The following SH3RF1 variants were observed in gnomAD, a reference collection of about 807,000 sequenced individuals.
The protein encoded by SH3RF1 is E3 ubiquitin-protein ligase SH3RF1.
In SH3RF1, 32 loss-of-function variants were observed where a neutral mutation model predicts 74.0. That is an observed-to-expected ratio of 0.43 (90% confidence interval 0.33 to 0.58). The LOEUF is 0.58. SH3RF1 is among the 20% of genes least tolerant of loss of function. The probability of loss-of-function intolerance (pLI) is 0.05; values close to 1 mark genes in which losing one functional copy is unlikely to be tolerated. For missense variants in SH3RF1, 954 were observed against 1,130.9 expected (o/e 0.84, Z 2.24); for synonymous variants, 396 against 439.6 (o/e 0.90, Z 1.24).
intron 2 of SH3RF1, among the ~76,000 whole-genome samples, chr4:169,208,469 G>T (rs1231775546): frequency 6.6e-6 from 1 of 152,052 alleles, no homozygotes; most frequent in African/African-American, 2.4e-5. Context: ...CTTTTTAGTA[G>T]GACAGACACA....
At chr4:169,260,414 C>T (rs1171908245) in intron 2 of SH3RF1, among the ~76,000 whole-genome samples, 1 of 152,202 alleles carries the variant, frequency 6.6e-6, no homozygotes, top group African/African-American at 2.4e-5. Flanking sequence ...AAAGAACAGA[C>T]CACAGTTGCA....
At chr4:169,110,355 AAAT>A (rs1458490624) in intron 10 of SH3RF1, among the ~76,000 whole-genome samples, 2 of 152,314 alleles carry the variant, frequency 1.3e-5, no homozygotes, top group East Asian at 3.9e-4. Context: ...TCGTTTAAAA[AAAT>A]AATAATAAAA....
chr4:169,136,424 C>A lies in SH3RF1; in HGVS notation c.962G>T (p.Arg321Leu). Reference sequence around the variant, plus strand: ...AGGGGGGCTGATCTCCATGGAGTGGCGGTTCTGGGATGCCTGGGAGGACTT... The same window carrying A: ...AGGGGGGCTGATCTCCATGGAGTGGAGGTTCTGGGATGCCTGGGAGGACTT... Reference protein sequence around the residue: ...ANKSSQASQNRHSMEISPPVL... With the variant: ...ANKSSQASQNLHSMEISPPVL... Residue 321 changes from arginine to leucine, a missense_variant, in exon 5 of 12, where the codon CGC becomes CTC. Coordinates refer to ENST00000284637, the MANE Select transcript of SH3RF1 (RefSeq NM_020870.4). 6.2e-7 allele frequency: 1 copy of A among 1,605,436 alleles called. No homozygotes were observed. The highest frequency in any genetic ancestry group is 8.5e-7 in the Non-Finnish European group (1 of 1,175,108).
intron 4 of SH3RF1, among the ~76,000 whole-genome samples, chr4:169,145,692 CCTGCCT>C (rs1733864504): frequency 7.2e-6 from 1 of 139,628 alleles, no homozygotes; most frequent in African/African-American, 2.6e-5. Flanking sequence ...TCGTGATCCA[CCTGCCT>C]CAGCCTCCCA....
chr4:169,114,638 C>T (rs576647729), intron 10 of SH3RF1, among the ~76,000 whole-genome samples: 1 of 152,230 alleles, frequency 6.6e-6, no homozygotes, highest in Non-Finnish European at 1.5e-5. Flanking sequence ...ACATTGTCAT[C>T]AAGCCTTAAA....
At chr4:169,170,599 A>G (rs547329971) in intron 2 of SH3RF1, among the ~76,000 whole-genome samples, 1 of 152,332 alleles carries the variant, frequency 6.6e-6, no homozygotes, top group East Asian at 1.9e-4. Context: ...ATGTGAGGGC[A>G]GGGCTGGAGC....
At chr4:169,242,122 T>A (rs192575208) in intron 2 of SH3RF1, among the ~76,000 whole-genome samples, 95 of 151,720 alleles carry the variant, frequency 6.3e-4, no homozygotes, top group Non-Finnish European at 9.9e-4. Context: ...TATTTCAATT[T>A]AAATTTTTTT....
intron 2 of SH3RF1, chr4:169,204,252 T>C (rs1254273783): frequency 1.3e-5 from 2 of 151,816 alleles, no homozygotes; most frequent in Non-Finnish European, 2.9e-5. Context: ...CCGAGTACTG[T>C]AGTTTACGTT....
intron 2 of SH3RF1, among the ~76,000 whole-genome samples, chr4:169,168,667 T>G (rs1734282204): frequency 6.6e-6 from 1 of 152,238 alleles, no homozygotes; most frequent in Admixed American, 6.5e-5. Flanking sequence ...TGTTAAATAT[T>G]GCAGTGGATT....
chr4:169,214,049 A>G (rs577560995), intron 2 of SH3RF1, among the ~76,000 whole-genome samples: 1 of 152,270 alleles, frequency 6.6e-6, no homozygotes, highest in East Asian at 1.9e-4. Flanking sequence ...ATACACTGAT[A>G]TAGTTTGGAT....
At chr4:169,136,713 T>A in intron 4 of SH3RF1, 93 bp from the exon 5 acceptor site, 1 of 1,347,552 alleles carries the variant, frequency 7.4e-7, no homozygotes, top group Non-Finnish European at 9.8e-7. Flanking sequence ...ATCCAAAATT[T>A]AAAGTCACTA....
chr4:169,147,947 T>A (rs1373139817), intron 4 of SH3RF1, among the ~76,000 whole-genome samples: 1 of 152,026 alleles, frequency 6.6e-6, no homozygotes, highest in Non-Finnish European at 1.5e-5. Context: ...AATAATAAAA[T>A]ATTTAAATAA....
intron 2 of SH3RF1, among the ~76,000 whole-genome samples, chr4:169,252,742 A>C (rs979120880): frequency 2.0e-5 from 3 of 152,232 alleles, no homozygotes; most frequent in African/African-American, 7.2e-5. Context: ...GTGCTGATGG[A>C]CTGACGTATT....
chr4:169,097,560 C>T (rs545732729), intron 11 of SH3RF1, among the ~76,000 whole-genome samples: 28 of 152,278 alleles, frequency 1.8e-4, no homozygotes, highest in African/African-American at 5.8e-4. Flanking sequence ...TTGTAGGAAA[C>T]GAGAGGGAGG....
At chr4:169,203,961 T>C (rs897974619) in intron 2 of SH3RF1, 10 of 152,230 alleles carry the variant, frequency 6.6e-5, no homozygotes, top group African/African-American at 2.4e-4. Flanking sequence ...ATAAACTTTT[T>C]ATCCCACAGG....
chr4:169,244,690 G>A (rs1243011366), intron 2 of SH3RF1, among the ~76,000 whole-genome samples: 1 of 151,126 alleles, frequency 6.6e-6, no homozygotes, highest in Non-Finnish European at 1.5e-5. Flanking sequence ...ATTTTACAAA[G>A]TAACACATGA....
intron 2 of SH3RF1, among the ~76,000 whole-genome samples, chr4:169,250,949 G>A (rs1731094925): frequency 6.6e-6 from 1 of 152,192 alleles, no homozygotes; most frequent in African/African-American, 2.4e-5. Context: ...CAAAGACTAA[G>A]TGCAAAGGCC....
chr4:169,135,464 C>G (rs1280906012), intron 5 of SH3RF1, among the ~76,000 whole-genome samples: 1 of 152,066 alleles, frequency 6.6e-6, no homozygotes, highest in Non-Finnish European at 1.5e-5. Flanking sequence ...TTGTGACAGG[C>G]AGCTTTGAAC....
At chr4:169,159,746 A>G (rs1734122044) in intron 2 of SH3RF1, among the ~76,000 whole-genome samples, 1 of 152,184 alleles carries the variant, frequency 6.6e-6, no homozygotes, top group Non-Finnish European at 1.5e-5. Context: ...CTGACAATGC[A>G]TTTGTCTCTC....
Sources: allele counts gnomAD v4.1 joint callset (sites outside exome capture counted in the v4.1 genomes callset), GRCh38; gene constraint gnomAD v4.1.1; transcripts MANE v1.5; gene names NCBI Gene and HGNC (gene_info 2026-07-23, HGNC 2026-07-21).